The following CDC42EP4 variants were observed in gnomAD, a reference collection of about 807,000 sequenced individuals.
The protein encoded by CDC42EP4 is CDC42 effector protein (Rho GTPase binding) 4.
A neutral mutation model predicts 5.6 loss-of-function variants in CDC42EP4; 6 were observed. The ratio of observed to expected loss-of-function variants is 1.07; its 90% confidence interval spans 0.59 to 2.12. CDC42EP4 has a LOEUF of 2.12. Ranked by LOEUF, CDC42EP4 falls within the 30% of genes most tolerant of loss-of-function variation. The probability of loss-of-function intolerance (pLI) is 0.00; values close to 1 mark genes in which losing one functional copy is unlikely to be tolerated. For missense variants in CDC42EP4, 490 were observed against 508.6 expected (o/e 0.96, Z 0.35); for synonymous variants, 230 against 224.2 (o/e 1.03, Z -0.23).
At chr17:73,309,566 C>T (rs2062262938) in intron 1 of CDC42EP4, among the ~76,000 whole-genome samples, 1 of 151,388 alleles carries the variant, frequency 6.6e-6, no homozygotes, top group African/African-American at 2.4e-5. Context: ...GGTGGGTGGG[C>T]AAGGGAAAGA....
At chr17:73,305,402 G>A (rs1047979204) in intron 1 of CDC42EP4, among the ~76,000 whole-genome samples, 2 of 152,196 alleles carry the variant, frequency 1.3e-5, no homozygotes, top group East Asian at 1.9e-4. Context: ...GGAAAGTGCC[G>A]CGCTTGAAAT....
chr17:73,298,868 C>A (rs1293362941), intron 1 of CDC42EP4, among the ~76,000 whole-genome samples: 1 of 152,162 alleles, frequency 6.6e-6, no homozygotes, highest in Non-Finnish European at 1.5e-5. Flanking sequence ...AAAGCAAACT[C>A]GCAAGGAGGC....
rs1426568361 is a variant in CDC42EP4 at position 73,285,255 on chromosome 17, T to C, written c.*175A>G. 7 of 516,286 alleles carry C rather than the reference T, an allele frequency of 1.4e-5. No homozygotes were observed. Among genetic ancestry groups the C allele is most frequent in the Admixed American group, 3.4e-5 (1 of 29,520 alleles). 32.0% of individuals were successfully genotyped at this position (516,286 alleles called of 1,614,324 possible). The stretch of plus-strand genomic sequence containing the variant: ...CCAGTCGGCACCCATGCCAGCCCCC[T>C]ACGTCCTCCGAAGACCCGAGGGCCA... On this transcript the variant is annotated 3_prime_UTR_variant, in exon 2 of 2. Coordinates refer to ENST00000335793, the MANE Select transcript of CDC42EP4 (RefSeq NM_012121.5). The surrounding 1 kb of genome is among the most constrained non-coding windows in gnomAD (Gnocchi z 6.8).
At chr17:73,305,552 A>G (rs1473619907) in intron 1 of CDC42EP4, among the ~76,000 whole-genome samples, 1 of 152,220 alleles carries the variant, frequency 6.6e-6, no homozygotes, top group Non-Finnish European at 1.5e-5. Flanking sequence ...AGACAGGCTA[A>G]TCTTGCATCT....
intron 1 of CDC42EP4, among the ~76,000 whole-genome samples, chr17:73,302,068 A>G (rs1195987954): frequency 1.3e-5 from 2 of 152,198 alleles, no homozygotes; most frequent in African/African-American, 4.8e-5. Flanking sequence ...TCCTGACCTC[A>G]GGTGATCCAC....
chr17:73,294,119 G>A (rs1202141136), intron 1 of CDC42EP4, among the ~76,000 whole-genome samples: 1 of 152,208 alleles, frequency 6.6e-6, no homozygotes, highest in Non-Finnish European at 1.5e-5. Flanking sequence ...GGGAGGCTGA[G>A]GCGGGTGGAT....
rs2062128302 is a variant in CDC42EP4 at position 73,285,659 on chromosome 17, A to C, written c.842T>G (p.Leu281Arg). 1.3e-6 allele frequency: 2 copies of C among 1,585,400 alleles called. No individual in the cohort carries two copies. Among genetic ancestry groups the C allele is most frequent in the East Asian group, 4.5e-5 (2 of 44,238 alleles). Residue 281 changes from leucine (L) to arginine (R), a missense_variant, in exon 2 of 2, where the codon CTG (leucine) becomes CGG (arginine). Coordinates refer to ENST00000335793, the MANE Select transcript of CDC42EP4 (RefSeq NM_012121.5). The surrounding 1 kb of genome is among the most constrained non-coding windows in gnomAD (Gnocchi z 6.8). ...PDLPSLPSHA[L>R]EDEGWAAAAP... is the part of the protein sequence containing the mutation. Reference sequence around the variant, plus strand: ...CGCTGCTGCCCACCCCTCATCCTCCAGAGCATGGGAGGGGAGGGAGGGCAA... The same window carrying C: ...CGCTGCTGCCCACCCCTCATCCTCCCGAGCATGGGAGGGGAGGGAGGGCAA...
At chr17:73,297,405 C>T (rs538090540) in intron 1 of CDC42EP4, among the ~76,000 whole-genome samples, 4 of 151,802 alleles carry the variant, frequency 2.6e-5, no homozygotes, top group Admixed American at 6.6e-5. Context: ...ACCCGGGAGG[C>T]GGAGGTTGCA....
In CDC42EP4 at chr17:73,285,530, G is replaced by T. The variant is rs1373576715; in HGVS notation, c.971C>A (p.Ala324Asp). 11 of 1,610,896 alleles carry T rather than the reference G, an allele frequency of 6.8e-6. No homozygotes were observed. The Middle Eastern group carries it at 4.9e-4, about 72-fold the overall frequency. ...CCGGGCCCTGTCCGGCCCCCGGAAGGCAGGGCTGCGCTCCTCCAGGATGCC... is the reference window on the plus strand; with the variant it reads ...CCGGGCCCTGTCCGGCCCCCGGAAGTCAGGGCTGCGCTCCTCCAGGATGCC... Reference protein sequence around the residue: ...TSGILEERSPAFRGPDRARAA... With the variant: ...TSGILEERSPDFRGPDRARAA... Residue 324 changes from alanine (A) to aspartate (D), a missense_variant, in exon 2 of 2, where the codon GCC becomes GAC. Physicochemically the swap from Ala to Asp is moderately radical, Grantham distance 126. Coordinates refer to ENST00000335793, the MANE Select transcript of CDC42EP4 (RefSeq NM_012121.5). This position sits in a 1 kb window ranked among gnomAD's most constrained non-coding sequence, Gnocchi z 6.8.
At chr17:73,295,735 T>C (rs1315035513) in intron 1 of CDC42EP4, among the ~76,000 whole-genome samples, 1 of 151,772 alleles carries the variant, frequency 6.6e-6, no homozygotes, top group African/African-American at 2.4e-5. Context: ...AAACCCCATC[T>C]CAACTAATAA....
Position 73,284,022 on chromosome 17 carries a change from G to GAGCTTCTGCTCAATCCCCTC in CDC42EP4, c.*1388_*1407dup, listed in dbSNP as rs1237158728. ...GCAGTCAACCTCAGGGCTCATACCC[G>GAGCTTCTGCTCAATCCCCTC]AGCTTCTGCTCAATCCCCTCGGGGA... On this transcript the variant is annotated 3_prime_UTR_variant, in exon 2 of 2. Transcript: ENST00000335793. The GAGCTTCTGCTCAATCCCCTC allele has an allele frequency of 6.6e-6, 1 of 152,244 alleles. No homozygotes were observed. Among genetic ancestry groups the GAGCTTCTGCTCAATCCCCTC allele is most frequent in the African/African-American group, 2.4e-5 (1 of 41,466 alleles). 9.4% of individuals were successfully genotyped at this position (152,244 alleles called of 1,614,324 possible). A position where few individuals can be genotyped will look rare whatever the true frequency, so the allele number is the denominator to read the frequency against.
At chr17:73,297,001 A>AAAAAACAAACAAAAAAAAAACAC (rs547362762) in intron 1 of CDC42EP4, among the ~76,000 whole-genome samples, 20 of 61,774 alleles carry the variant, frequency 3.2e-4, no homozygotes, top group African/African-American at 1.1e-3. Context: ...AAAAAAAAAA[A>AAAAAACAAACAAAAAAAAAACAC]AAATACACAA....
chr17:73,293,349 C>T (rs1400959829), intron 1 of CDC42EP4, among the ~76,000 whole-genome samples: 9 of 152,120 alleles, frequency 5.9e-5, no homozygotes, highest in African/African-American at 1.9e-4. Context: ...GTGGGTCTGG[C>T]GAAGGGGGAC....
chr17:73,303,850 G>A (rs2062231775), intron 1 of CDC42EP4, among the ~76,000 whole-genome samples: 1 of 152,068 alleles, frequency 6.6e-6, no homozygotes, highest in Non-Finnish European at 1.5e-5. Flanking sequence ...CCACCTTAAG[G>A]AATGCACAAT....
At chr17:73,304,017 A>C (rs2062232614) in intron 1 of CDC42EP4, among the ~76,000 whole-genome samples, 1 of 151,978 alleles carries the variant, frequency 6.6e-6, no homozygotes, top group Non-Finnish European at 1.5e-5. Flanking sequence ...TATCAAGAAC[A>C]CTCCGGAATA....
Position 73,286,411 on chromosome 17 carries a change from C to G in CDC42EP4, c.90G>C (p.Pro30=). The G allele has an allele frequency of 6.2e-7, 1 of 1,613,796 alleles. No homozygotes were observed. Among genetic ancestry groups the G allele is most frequent in the Non-Finnish European group, 8.5e-7 (1 of 1,179,954 alleles). The change falls in exon 2 of 2, where the codon CCG becomes CCC. Residue 30 remains proline, a synonymous_variant. Coordinates refer to ENST00000335793, the MANE Select transcript of CDC42EP4 (RefSeq NM_012121.5). This position sits in a 1 kb window ranked among gnomAD's most constrained non-coding sequence, Gnocchi z 7.7. ...ADLTAEMISA[P]LGDFRHTMHV... ...GCATGGTGTGGCGGAAGTCGCCCAG[C>G]GGGGCGCTGATCATCTCGGCCGTGA...
intron 1 of CDC42EP4, among the ~76,000 whole-genome samples, chr17:73,295,808 G>C (rs1253814552): frequency 1.3e-5 from 2 of 151,696 alleles, no homozygotes; most frequent in African/African-American, 2.4e-5. Flanking sequence ...GGGAGGCTGA[G>C]GCAGGAGAAC....
Position 73,285,430 on chromosome 17 carries a change from T to C in CDC42EP4, c.1071A>G (p.Ter357TrpextTer22). The C allele has an allele frequency of 6.5e-7, 1 of 1,545,328 alleles. No individual in the cohort carries two copies. The highest frequency in any genetic ancestry group is 8.8e-7 in the Non-Finnish European group (1 of 1,141,140). The change falls in exon 2 of 2, where the codon TGA (stop) becomes TGG (tryptophan). Residue 357 changes from the stop codon to tryptophan (W), a stop_lost. Coordinates refer to ENST00000335793, the MANE Select transcript of CDC42EP4 (RefSeq NM_012121.5). The surrounding 1 kb of genome is among the most constrained non-coding windows in gnomAD (Gnocchi z 6.8). ...DEEEEDEIRV[*>W] ...TCCCGGTGGCCACCCACTGTCCGCC[T>C]CACACACGGATTTCATCCTCCTCCT...
chr17:73,311,731 G>T (rs868285165), intron 1 of CDC42EP4, among the ~76,000 whole-genome samples, 162 bp downstream of exon 1: 1 of 152,240 alleles, frequency 6.6e-6, no homozygotes, highest in Non-Finnish European at 1.5e-5. Flanking sequence ...AAGCGCGAGC[G>T]CCGAGAAGTG....
Sources: allele counts gnomAD v4.1 joint callset (sites outside exome capture counted in the v4.1 genomes callset), GRCh38; gene constraint gnomAD v4.1.1; non-coding constraint Gnocchi (gnomAD v3.1); transcripts MANE v1.5; gene names NCBI Gene and HGNC (gene_info 2026-07-23, HGNC 2026-07-21).